Variants in FHIT observed in about 807,000 individuals in gnomAD.
FHIT encodes bis(5'-adenosyl)-triphosphatase.
Under a neutral mutation model 17.9 loss-of-function variants are expected in FHIT, and 19 were observed. The ratio of observed to expected loss-of-function variants is 1.06; its 90% CI spans 0.74 to 1.56. The LOEUF is 1.56. Among genes scored for constraint, FHIT ranks in the 40% most tolerant of loss-of-function variants. The pLI, the probability that FHIT is intolerant of heterozygous loss-of-function variation, is 0.00. For missense variants in FHIT, 248 were observed against 189.2 expected, an observed-to-expected ratio of 1.31 and a Z score of -1.82; for synonymous variants, 81 against 69.7, an observed-to-expected ratio of 1.16 and a Z score of -0.81.
rs767008494 is a variant in FHIT, at chr3:60,152,954, G to C, written c.104-138802C>G. 2.8e-4 allele frequency among the ~76,000 whole-genome samples: 43 copies of C among 152,270 alleles called. No homozygotes were observed. In the Middle Eastern group the frequency reaches 0.01, roughly 36 times the overall value. ...ACAAAAGAAAAAGCTCTAAAGGAAGGCCAAGTGAAATCCTGGACATGCAGT... is the reference window on the plus strand; with the variant it reads ...ACAAAAGAAAAAGCTCTAAAGGAAGCCCAAGTGAAATCCTGGACATGCAGT... On this transcript the variant is annotated intron_variant, in intron 5 of 9. Coordinates refer to ENST00000492590, the MANE Select transcript of FHIT (RefSeq NM_002012.4).
intron 2 of FHIT, among the ~76,000 whole-genome samples, chr3:61,092,307 C>T (rs1268117644): frequency 2.0e-5 from 3 of 152,104 alleles, no homozygotes; most frequent in Non-Finnish European, 2.9e-5. Flanking sequence ...ATACCAAGAA[C>T]TATTTTTCTT....
chr3:60,045,916 T>G lies in FHIT; in HGVS notation c.104-31764A>C, dbSNP rs116593592. On this transcript the variant is annotated intron_variant, in intron 5 of 9. Coordinates refer to ENST00000492590, the MANE Select transcript of FHIT (RefSeq NM_002012.4). The stretch of plus-strand genomic sequence containing the variant: ...CACCAGCAGGAGTCTGCCCTGTCCA[T>G]CTGGAGCCCAGGAAGGAGGGTTAGG... Among the ~76,000 whole-genome samples the G allele has an allele frequency of 8.4e-3, 1,274 of 152,284 alleles. 15 individuals are homozygous for G. The highest frequency in any genetic ancestry group is 0.029 in the African/African-American group (1,187 of 41,560).
chr3:60,308,496 G>GTATATATATATATATATATATATATA (rs5849349), intron 5 of FHIT, among the ~76,000 whole-genome samples: 4 of 140,950 alleles, frequency 2.8e-5, no homozygotes, highest in South Asian at 2.4e-4. Flanking sequence ...AGGTGTATGT[G>GTATATATATATATATATATATATATA]TATATATATA....
At position 60,908,164 on chromosome 3, in the gene FHIT, G is replaced by T. The variant is rs544501641; in HGVS notation, c.-110-86153C>A. On this transcript the variant is annotated intron_variant, in intron 3 of 9. Coordinates refer to ENST00000492590, the MANE Select transcript of FHIT (RefSeq NM_002012.4). ...TTGGTTCCAATTAGTTCTTTTTCCT[G>T]TACCAGAAAAGAAGATCAGCAATAA... is the stretch of plus-strand genomic sequence containing the variant. Among the ~76,000 whole-genome samples, 38 of 152,254 alleles carry T rather than the reference G, an allele frequency of 2.5e-4. No individual in the cohort carries two copies. The South Asian group carries it at 2.9e-3, about 12-fold the overall frequency.
intron 4 of FHIT, among the ~76,000 whole-genome samples, chr3:60,644,760 A>G (rs1233687839): frequency 6.6e-6 from 1 of 152,122 alleles, no homozygotes; most frequent in African/African-American, 2.4e-5. Context: ...CTCCACAACC[A>G]TGTTGCTTTT....
intron 5 of FHIT, among the ~76,000 whole-genome samples, chr3:60,448,926 T>G (rs2031529296): frequency 1.3e-5 from 2 of 152,156 alleles, no homozygotes; most frequent in African/African-American, 2.4e-5. Flanking sequence ...CCTATGGGGC[T>G]AAGAAGCCTT....
At chr3:60,035,155 T>A (rs1701162767) in intron 5 of FHIT, among the ~76,000 whole-genome samples, 1 of 152,100 alleles carries the variant, frequency 6.6e-6, no homozygotes, top group South Asian at 2.1e-4. Context: ...GCGATGAGTA[T>A]ACATCAGATA....
At chr3:60,258,419 T>C (rs1706128576) in intron 5 of FHIT, among the ~76,000 whole-genome samples, 1 of 152,152 alleles carries the variant, frequency 6.6e-6, no homozygotes, top group African/African-American at 2.4e-5. Flanking sequence ...CCATAATTAA[T>C]GCTCTCCCTG....
intron 4 of FHIT, chr3:60,553,225 G>A (rs2036618028): frequency 6.3e-6 from 1 of 158,192 alleles, no homozygotes; most frequent in Non-Finnish European, 1.4e-5. Context: ...GTTTTTGTGA[G>A]GAGAAATATG....
At chr3:60,198,743 T>C (rs1296722090) in intron 5 of FHIT, among the ~76,000 whole-genome samples, 1 of 152,174 alleles carries the variant, frequency 6.6e-6, no homozygotes, top group East Asian at 1.9e-4. Context: ...CAAGTTTCAA[T>C]TTCTCAATCT....
At chr3:60,500,423 A>G (rs539017442) in intron 5 of FHIT, among the ~76,000 whole-genome samples, 4 of 152,320 alleles carry the variant, frequency 2.6e-5, no homozygotes, top group East Asian at 1.9e-4. Context: ...TTAAAATTCT[A>G]TGGCCCAAAA....
At chr3:61,208,821 A>C (rs551985041) in intron 1 of FHIT, among the ~76,000 whole-genome samples, 93 of 152,108 alleles carry the variant, frequency 6.1e-4, no homozygotes, top group African/African-American at 2.2e-3. Context: ...TTTACATTTA[A>C]GGTTAATATT....
intron 4 of FHIT, among the ~76,000 whole-genome samples, chr3:60,554,975 C>T (rs987033015): frequency 6.6e-6 from 1 of 152,166 alleles, no homozygotes; most frequent in Non-Finnish European, 1.5e-5. Context: ...AAGTGGTCTA[C>T]CATATTCTTC....
chr3:61,059,530 C>T (rs1245543118), intron 2 of FHIT, among the ~76,000 whole-genome samples: 1 of 152,098 alleles, frequency 6.6e-6, no homozygotes, highest in Non-Finnish European at 1.5e-5. Context: ...TAAATTACCT[C>T]ATCTGAGCAG....
intron 8 of FHIT, among the ~76,000 whole-genome samples, chr3:59,794,210 T>A (rs1443435674): frequency 6.6e-6 from 1 of 152,196 alleles, no homozygotes; most frequent in Non-Finnish European, 1.5e-5. Context: ...TGTCAGAACT[T>A]GACTTAAACG....
chr3:59,967,229 G>A lies in FHIT; in HGVS notation c.279+44142C>T, dbSNP rs536753962. On this transcript the variant is annotated intron_variant, in intron 7 of 9. Transcript: ENST00000492590. ...GCAATAGTCCCTGAAGGACCTGCTT[G>A]AAGCGGTTTTAAAGTTATCTTTTTA... Among the ~76,000 whole-genome samples, 28 of 152,168 alleles carry A rather than the reference G, an allele frequency of 1.8e-4. No homozygotes were observed. In the South Asian group the frequency reaches 5.6e-3, roughly 30 times the overall value.
intron 5 of FHIT, among the ~76,000 whole-genome samples, chr3:60,413,237 T>C (rs950809769): frequency 2.0e-5 from 3 of 152,090 alleles, no homozygotes; most frequent in African/African-American, 7.2e-5. Context: ...GAAAATTTAT[T>C]AAATAGAAGG....
chr3:60,485,224 C>T (rs1055981476), intron 5 of FHIT, among the ~76,000 whole-genome samples: 4 of 152,122 alleles, frequency 2.6e-5, no homozygotes, highest in African/African-American at 9.7e-5. Flanking sequence ...ATTAATTCAA[C>T]CTCTGTGGGA....
intron 4 of FHIT, among the ~76,000 whole-genome samples, chr3:60,557,213 G>T (rs1361098647): frequency 6.6e-6 from 1 of 152,072 alleles, no homozygotes; most frequent in African/African-American, 2.4e-5. Flanking sequence ...CCTTGCCCAA[G>T]TACACACGGA....
Sources: allele counts gnomAD v4.1 joint callset (sites outside exome capture counted in the v4.1 genomes callset), GRCh38; gene constraint gnomAD v4.1.1; transcripts MANE v1.5; gene names NCBI Gene and HGNC (gene_info 2026-07-23, HGNC 2026-07-21).